CACNA2D3: variants seen among roughly 807,000 people sequenced by gnomAD.
CACNA2D3 encodes voltage-dependent calcium channel subunit alpha-2/delta-3.
CACNA2D3 carries 60 observed loss-of-function variants against 160.6 expected under a neutral mutation model. The ratio of observed to expected loss-of-function variants is 0.37; its 90% CI spans 0.30 to 0.46. The LOEUF is 0.46. Among genes scored for constraint, CACNA2D3 ranks in the 20% least tolerant of loss-of-function variants. CACNA2D3 has a pLI of 1.00. For synonymous variants in CACNA2D3, 558 were observed against 492.9 expected (o/e 1.13, Z -1.75); for missense variants, 1,205 against 1,365.0 (o/e 0.88, Z 1.85).
chr3:54,840,403 C>CTTTTTTTT (rs1174129020), intron 16 of CACNA2D3, among the ~76,000 whole-genome samples: 8 of 73,454 alleles, frequency 1.1e-4, no homozygotes, highest in East Asian at 9.7e-4. Context: ...AGAACCATGT[C>CTTTTTTTT]TTTTTTTTTT....
chr3:54,153,268 G>A (rs1332781468), intron 2 of CACNA2D3, among the ~76,000 whole-genome samples: 1 of 152,226 alleles, frequency 6.6e-6, no homozygotes, highest in Non-Finnish European at 1.5e-5. Context: ...GACCACAGCA[G>A]TTGATAGAGG....
intron 9 of CACNA2D3, among the ~76,000 whole-genome samples, chr3:54,619,192 T>A (rs2106800939): frequency 6.6e-6 from 1 of 152,300 alleles, no homozygotes; most frequent in Admixed American, 6.5e-5. Flanking sequence ...CACTGACAAG[T>A]CCACATGACC....
At chr3:54,928,849 T>C (rs2106950773) in intron 27 of CACNA2D3, among the ~76,000 whole-genome samples, 1 of 152,238 alleles carries the variant, frequency 6.6e-6, no homozygotes, top group South Asian at 2.1e-4. Context: ...AGCCGCCCCC[T>C]GTGAGCATCA....
chr3:54,358,110 G>A (rs946934554), intron 3 of CACNA2D3, among the ~76,000 whole-genome samples: 4 of 152,210 alleles, frequency 2.6e-5, no homozygotes, highest in Non-Finnish European at 4.4e-5. Flanking sequence ...AATGCAAGAT[G>A]TGAAGAATAT....
At chr3:54,987,549 CT>C in intron 30 of CACNA2D3, 133 bp from the exon 31 acceptor site, 1 of 566,262 alleles carries the variant, frequency 1.8e-6, no homozygotes, top group Non-Finnish European at 3.2e-6. Context: ...CTGTTAAAAC[CT>C]TTTCCACTTT....
intron 4 of CACNA2D3, among the ~76,000 whole-genome samples, chr3:54,490,179 C>T (rs1379415951): frequency 6.6e-6 from 1 of 152,220 alleles, no homozygotes; most frequent in Non-Finnish European, 1.5e-5. Flanking sequence ...AATGAAAACA[C>T]ATTAGGAACC....
At chr3:54,813,787 A>G (rs960416224) in intron 13 of CACNA2D3, among the ~76,000 whole-genome samples, 10 of 152,140 alleles carry the variant, frequency 6.6e-5, no homozygotes, top group African/African-American at 2.2e-4. Context: ...TGTGCTCAGA[A>G]CTATAGAAAA....
chr3:54,739,826 T>G (rs980631172), intron 11 of CACNA2D3, among the ~76,000 whole-genome samples: 1 of 151,934 alleles, frequency 6.6e-6, no homozygotes, highest in African/African-American at 2.4e-5. Flanking sequence ...TGTATATATA[T>G]AACTATTTAC....
intron 2 of CACNA2D3, among the ~76,000 whole-genome samples, chr3:54,283,786 A>C (rs1017511610): frequency 7.4e-6 from 1 of 135,118 alleles, no homozygotes; most frequent in Non-Finnish European, 1.7e-5. Flanking sequence ...GAGGCTGCTG[A>C]TTTTTTTTAA....
chr3:54,691,569 G>C (rs904454579), intron 11 of CACNA2D3, among the ~76,000 whole-genome samples: 1 of 152,138 alleles, frequency 6.6e-6, no homozygotes, highest in African/African-American at 2.4e-5. Context: ...AAAAGGTGCC[G>C]AAAGTATATT....
chr3:55,014,443 A>G (rs1340458441), intron 34 of CACNA2D3, among the ~76,000 whole-genome samples: 3 of 152,190 alleles, frequency 2.0e-5, no homozygotes, highest in African/African-American at 7.2e-5. Context: ...AACAGTATCC[A>G]GTATGGCTAG....
intron 4 of CACNA2D3, among the ~76,000 whole-genome samples, chr3:54,441,135 T>C (rs368591992): frequency 4.6e-5 from 7 of 152,168 alleles, no homozygotes; most frequent in Non-Finnish European, 8.8e-5. Flanking sequence ...TCTCCACATC[T>C]TCTCCAGCAC....
chr3:54,822,824 T>C (rs1402047928), intron 14 of CACNA2D3, among the ~76,000 whole-genome samples: 1 of 84,780 alleles, frequency 1.2e-5, no homozygotes, highest in Non-Finnish European at 2.3e-5. Flanking sequence ...TCTTTCTTTC[T>C]TTCTTTCTTT....
At chr3:54,133,070 T>C (rs1350200183) in intron 2 of CACNA2D3, among the ~76,000 whole-genome samples, 1 of 152,156 alleles carries the variant, frequency 6.6e-6, no homozygotes, top group African/African-American at 2.4e-5. Flanking sequence ...GTTTGTCCAC[T>C]TGAGGGGTTG....
intron 17 of CACNA2D3, among the ~76,000 whole-genome samples, chr3:54,861,117 G>C (rs1245500076): frequency 6.6e-6 from 1 of 152,104 alleles, no homozygotes; most frequent in Non-Finnish European, 1.5e-5. Context: ...GGACCTAGTA[G>C]GGGAAACAGG....
At chr3:54,220,251 C>T (rs748340081) in intron 2 of CACNA2D3, among the ~76,000 whole-genome samples, 10 of 151,852 alleles carry the variant, frequency 6.6e-5, no homozygotes, top group Non-Finnish European at 1.5e-4. Context: ...GGATTGCAAG[C>T]GCATTTGAGA....
At position 54,508,886 on chromosome 3, in the gene CACNA2D3, A is replaced by G. The variant is rs1020664810; in HGVS notation, c.544+5232A>G. ...CCACCACTGCAGAGCATGAGAAATC[A>G]GTCTGTCTGTTACAGTCCAATAGGT... On this transcript the variant is annotated intron_variant, in intron 5 of 37. Coordinates refer to ENST00000474759, the MANE Select transcript of CACNA2D3 (RefSeq NM_018398.3). Among the ~76,000 whole-genome samples, 5 of 152,216 alleles carry G rather than the reference A, an allele frequency of 3.3e-5. No homozygotes were observed. In the East Asian group the frequency reaches 9.6e-4, roughly 29 times the overall value.
chr3:54,696,935 C>T (rs1700676719), intron 11 of CACNA2D3, among the ~76,000 whole-genome samples: 1 of 152,060 alleles, frequency 6.6e-6, no homozygotes, highest in Non-Finnish European at 1.5e-5. Flanking sequence ...TGTTTGTTTA[C>T]AAGATTTGGG....
chr3:54,500,389 C>A (rs1701268480), intron 4 of CACNA2D3, among the ~76,000 whole-genome samples: 1 of 152,100 alleles, frequency 6.6e-6, no homozygotes, highest in Non-Finnish European at 1.5e-5. Flanking sequence ...ATTCCATGCT[C>A]ATTCAAGGTG....
Sources: allele counts gnomAD v4.1 joint callset (sites outside exome capture counted in the v4.1 genomes callset), GRCh38; gene constraint gnomAD v4.1.1; transcripts MANE v1.5; gene names NCBI Gene and HGNC (gene_info 2026-07-23, HGNC 2026-07-21).